MAP3K2: variants seen among roughly 807,000 people sequenced by gnomAD.
The protein encoded by MAP3K2 is MAP/ERK kinase kinase 2.
In MAP3K2, 24 loss-of-function variants were observed where a neutral mutation model predicts 80.3. The observed-to-expected ratio is 0.30, with a 90% confidence interval of 0.22 to 0.42. The LOEUF is 0.42. Among genes scored for constraint, MAP3K2 ranks in the 10% least tolerant of loss-of-function variants. MAP3K2 has a pLI of 1.00. For synonymous variants in MAP3K2, 244 were observed against 253.7 expected (o/e 0.96, Z 0.36); for missense variants, 608 against 750.1 (o/e 0.81, Z 2.21).
At position 127,343,186 on chromosome 2, in the gene MAP3K2, C is replaced by T; in HGVS notation, c.-57G>A. 1 of 1,392,118 alleles carries T rather than the reference C, an allele frequency of 7.2e-7. No homozygotes were observed. The highest frequency in any genetic ancestry group is 1.0e-6 in the Non-Finnish European group (1 of 1,004,288). 86.2% of individuals were successfully genotyped at this position (1,392,118 alleles called of 1,614,324 possible). On this transcript the variant is annotated 5_prime_UTR_variant, in exon 2 of 17. Coordinates refer to ENST00000682094, the MANE Select transcript of MAP3K2 (RefSeq NM_001371910.2). Reference sequence around the variant, plus strand: ...GGAAAATGGTTCTCCCATCAGCATTCTTTATGGCCTGAGAAGATAAAACAG... The same window carrying T: ...GGAAAATGGTTCTCCCATCAGCATTTTTTATGGCCTGAGAAGATAAAACAG...
intron 12 of MAP3K2, among the ~76,000 whole-genome samples, chr2:127,320,988 T>C (rs1232550615): frequency 6.6e-6 from 1 of 152,134 alleles, no homozygotes; most frequent in Non-Finnish European, 1.5e-5. Flanking sequence ...GGCATGGTGG[T>C]GCATGCCTGT....
intron 7 of MAP3K2, among the ~76,000 whole-genome samples, chr2:127,327,232 G>A (rs1686161512): frequency 6.6e-6 from 1 of 151,994 alleles, no homozygotes; most frequent in African/African-American, 2.4e-5. Context: ...ATAGTTTTTT[G>A]AAATTAAACT....
Position 127,357,484 on chromosome 2 carries a change from T to A in MAP3K2, c.-65-14290A>T, listed in dbSNP as rs116581907. On this transcript the variant is annotated intron_variant, in intron 1 of 16. Transcript: ENST00000682094. ...GCCTGGGCAAGGGAGGGAGACCCTG[T>A]TGAATACAGAAGAATAGAACAGAAC... 2.3e-3 allele frequency among the ~76,000 whole-genome samples: 354 copies of A among 152,180 alleles called. 1 individual carries two copies. The highest frequency in any genetic ancestry group is 7.7e-3 in the African/African-American group (321 of 41,522).
At chr2:127,340,019 T>C (rs1462337900) in intron 2 of MAP3K2, among the ~76,000 whole-genome samples, 5 of 152,202 alleles carry the variant, frequency 3.3e-5, no homozygotes, top group Non-Finnish European at 5.9e-5. Context: ...GTAGCCCTAA[T>C]AGTCTCTCAA....
intron 1 of MAP3K2, among the ~76,000 whole-genome samples, chr2:127,367,292 A>C (rs1686989112): frequency 1.3e-5 from 2 of 152,322 alleles, no homozygotes; most frequent in South Asian, 4.1e-4. Flanking sequence ...GCAACTAAGA[A>C]GTTTTGTAAA....
intron 15 of MAP3K2, among the ~76,000 whole-genome samples, chr2:127,314,293 T>C (rs906069216): frequency 6.6e-6 from 1 of 152,216 alleles, no homozygotes; most frequent in Non-Finnish European, 1.5e-5. Context: ...AATTAAAGCA[T>C]ATTGCATGCA....
intron 1 of MAP3K2, among the ~76,000 whole-genome samples, chr2:127,346,049 T>C (rs116815170): frequency 0.014 from 2,090 of 150,088 alleles, 47 homozygotes; most frequent in African/African-American, 0.047. Flanking sequence ...AAACAAAAAT[T>C]GGCCCTTTGA....
intron 1 of MAP3K2, among the ~76,000 whole-genome samples, chr2:127,366,866 GTTT>G (rs367670762): frequency 8.2e-5 from 7 of 85,090 alleles, no homozygotes; most frequent in Non-Finnish European, 8.6e-5. Flanking sequence ...ACAGTCAAGG[GTTT>G]TTTTTTTTTT....
chr2:127,382,961 G>A (rs540133006), intron 1 of MAP3K2, among the ~76,000 whole-genome samples: 9 of 152,350 alleles, frequency 5.9e-5, no homozygotes, highest in South Asian at 2.1e-4. Flanking sequence ...ATTGGCTCAC[G>A]GTTCAGCAAG....
chr2:127,334,991 T>A (rs7586713), intron 5 of MAP3K2, among the ~76,000 whole-genome samples: 150,595 of 152,246 alleles, frequency 0.99, 74,502 homozygotes, highest in East Asian at 1. Flanking sequence ...AATGGTCTTG[T>A]TCTCTTGACC....
chr2:127,351,908 G>C (rs1347871304), intron 1 of MAP3K2, among the ~76,000 whole-genome samples: 1 of 150,716 alleles, frequency 6.6e-6, no homozygotes, highest in Non-Finnish European at 1.5e-5. Context: ...ACAGGGTCTT[G>C]CTTTGTCACC....
chr2:127,378,604 G>C (rs1687189624), intron 1 of MAP3K2, among the ~76,000 whole-genome samples: 1 of 152,094 alleles, frequency 6.6e-6, no homozygotes, highest in South Asian at 2.1e-4. Flanking sequence ...CTATAAAAAT[G>C]AACCTGAATT....
chr2:127,309,443 C>T (rs1368583961), intron 15 of MAP3K2, among the ~76,000 whole-genome samples: 2 of 152,130 alleles, frequency 1.3e-5, no homozygotes, highest in Non-Finnish European at 1.5e-5. Context: ...CCACACCCAG[C>T]TTCTCTATTA....
At chr2:127,369,521 C>T (rs1400456074) in intron 1 of MAP3K2, among the ~76,000 whole-genome samples, 1 of 138,160 alleles carries the variant, frequency 7.2e-6, no homozygotes, top group Non-Finnish European at 1.6e-5. Context: ...TAAAAAATGA[C>T]TTCATCTTAG....
chr2:127,361,306 C>A (rs1686885118), intron 1 of MAP3K2, among the ~76,000 whole-genome samples: 1 of 120,060 alleles, frequency 8.3e-6, no homozygotes, highest in Non-Finnish European at 1.6e-5. Flanking sequence ...GAGCAACACT[C>A]TGTCTCAAAA....
At chr2:127,366,689 T>C (rs1031246437) in intron 1 of MAP3K2, among the ~76,000 whole-genome samples, 1 of 152,000 alleles carries the variant, frequency 6.6e-6, no homozygotes, top group Non-Finnish European at 1.5e-5. Context: ...TTTTTTTCCT[T>C]CTCCAAAAAG....
intron 5 of MAP3K2, among the ~76,000 whole-genome samples, chr2:127,332,160 C>T (rs528036744): frequency 6.6e-6 from 1 of 152,248 alleles, no homozygotes; most frequent in Admixed American, 6.5e-5. Context: ...TACTGATCTA[C>T]TTAAACACAT....
intron 1 of MAP3K2, among the ~76,000 whole-genome samples, chr2:127,347,667 G>GT (rs1488728708): frequency 6.6e-6 from 1 of 152,102 alleles, no homozygotes; most frequent in Non-Finnish European, 1.5e-5. Flanking sequence ...TACTCCCAAA[G>GT]TTATCTACAG....
intron 12 of MAP3K2, among the ~76,000 whole-genome samples, chr2:127,319,844 TAAA>T (rs750112594): frequency 1.8e-5 from 2 of 108,380 alleles, no homozygotes; most frequent in Non-Finnish European, 2.0e-5. Context: ...CATCTCAAAT[TAAA>T]AAAAAAAAAA....
Sources: allele counts gnomAD v4.1 joint callset (sites outside exome capture counted in the v4.1 genomes callset), GRCh38; gene constraint gnomAD v4.1.1; transcripts MANE v1.5; gene names NCBI Gene and HGNC (gene_info 2026-07-23, HGNC 2026-07-21).